ANXA8: variants seen among roughly 807,000 people sequenced by gnomAD.
ANXA8 encodes the protein annexin A8.
Under a neutral mutation model 26.8 loss-of-function variants are expected in ANXA8, and 9 were observed. That is an observed-to-expected ratio of 0.34 (90% CI 0.20 to 0.59). The LOEUF (loss-of-function observed/expected upper bound fraction) is 0.59. Ranked by LOEUF, ANXA8 falls within the 20% of genes least tolerant of loss-of-function variation. ANXA8 has a pLI of 0.84. For missense variants in ANXA8, 83 were observed against 238.5 expected (o/e 0.35, Z 4.29); for synonymous variants, 39 against 94.8 (o/e 0.41, Z 3.42).
At chr10:47,607,896 TGA>T in the ANXA8 span, among the ~76,000 whole-genome samples, 2 of 103,212 alleles carry the variant, frequency 1.9e-5, no homozygotes, top group Non-Finnish European at 3.7e-5. Context: ...GCAATAGCTA[TGA>T]GAGACAATTT....
the ANXA8 span, among the ~76,000 whole-genome samples, chr10:47,962,634 A>ACT: frequency 5.3e-5 from 8 of 150,126 alleles, no homozygotes; most frequent in African/African-American, 1.7e-4. Flanking sequence ...ACACACACAC[A>ACT]CTCTCACACA....
the ANXA8 span, among the ~76,000 whole-genome samples, chr10:47,658,332 G>T: frequency 2.4e-4 from 37 of 151,122 alleles, no homozygotes; most frequent in Non-Finnish European, 5.0e-4. Flanking sequence ...GTTGCAGTGA[G>T]CCAAGATCGC....
chr10:47,933,046 TGG>T, the ANXA8 span, among the ~76,000 whole-genome samples: 8 of 51,772 alleles, frequency 1.5e-4, 2 homozygotes, highest in East Asian at 2.6e-3. Flanking sequence ...TGTGGCTGGC[TGG>T]GGTGTGGACT....
At chr10:47,503,101 T>C in the ANXA8 span, 2 of 1,611,426 alleles carry the variant, frequency 1.2e-6, no homozygotes, top group South Asian at 1.1e-5. Flanking sequence ...GGATGGCCAC[T>C]TTCCTGGGAC....
chr10:47,735,062 C>T, the ANXA8 span, among the ~76,000 whole-genome samples: 1 of 149,706 alleles, frequency 6.7e-6, no homozygotes, highest in Non-Finnish European at 1.5e-5. Flanking sequence ...AAACGTTTTC[C>T]TTTAAACAAA....
chr10:47,560,575 T>C, the ANXA8 span, among the ~76,000 whole-genome samples: 2 of 151,840 alleles, frequency 1.3e-5, no homozygotes, highest in Non-Finnish European at 1.5e-5. Flanking sequence ...CAGTTGAGAT[T>C]TGCCTGTTTG....
At chr10:47,557,685 T>C in the ANXA8 span, among the ~76,000 whole-genome samples, 1 of 151,722 alleles carries the variant, frequency 6.6e-6, no homozygotes, top group Non-Finnish European at 1.5e-5. Context: ...ATCAGATTTC[T>C]GATGAATAAA....
the ANXA8 span, among the ~76,000 whole-genome samples, chr10:47,677,284 A>T: frequency 5.9e-5 from 9 of 152,216 alleles, no homozygotes; most frequent in South Asian, 1.9e-3. Context: ...ATGCATATGT[A>T]ATCTCTAGAA....
At chr10:47,921,719 G>A in the ANXA8 span, among the ~76,000 whole-genome samples, 1 of 151,324 alleles carries the variant, frequency 6.6e-6, no homozygotes, top group East Asian at 2.0e-4. Flanking sequence ...AGACGAAAGT[G>A]CTGAGCACAG....
At chr10:47,490,277 C>T in the ANXA8 span, 1 of 157,882 alleles carries the variant, frequency 6.3e-6, no homozygotes, top group Non-Finnish European at 1.4e-5. Flanking sequence ...GGTTCTTATT[C>T]TAACTCTACC....
chr10:47,474,908 G>C, intron 7 of ANXA8, 37 bp downstream of exon 7: 1 of 1,533,238 alleles, frequency 6.5e-7, no homozygotes, highest in Non-Finnish European at 8.8e-7. Flanking sequence ...CAGATGGCAG[G>C]GGGTGGGGCC....
chr10:47,541,161 A>G, the ANXA8 span, among the ~76,000 whole-genome samples: 1 of 109,072 alleles, frequency 9.2e-6, no homozygotes, highest in Admixed American at 1.2e-4. Context: ...ACTCGTCCCT[A>G]GAACAGAACA....
the ANXA8 span, among the ~76,000 whole-genome samples, chr10:47,572,983 T>C: frequency 1.3e-5 from 2 of 149,308 alleles, no homozygotes; most frequent in Non-Finnish European, 1.5e-5. Context: ...CCTTCTCCAA[T>C]TGGAATTGTT....
the ANXA8 span, among the ~76,000 whole-genome samples, chr10:47,548,890 A>G: frequency 6.6e-6 from 1 of 152,226 alleles, no homozygotes; most frequent in African/African-American, 2.4e-5. Flanking sequence ...ATACCTACTC[A>G]CCTCAAGGGT....
the ANXA8 span, chr10:47,549,233 A>G: frequency 3.8e-6 from 5 of 1,328,702 alleles, no homozygotes; most frequent in Non-Finnish European, 5.3e-6. Flanking sequence ...TCTTCCCTTC[A>G]TCACGGGGTA....
chr10:47,691,133 A>T, the ANXA8 span: 1 of 1,608,708 alleles, frequency 6.2e-7, no homozygotes. Flanking sequence ...AGTTACAGTA[A>T]GTGATCAATC....
At chr10:47,943,601 C>T in the ANXA8 span, among the ~76,000 whole-genome samples, 2 of 151,084 alleles carry the variant, frequency 1.3e-5, no homozygotes, top group African/African-American at 4.9e-5. Context: ...GTCACTGAGG[C>T]CTGCAGCACA....
chr10:47,637,359 T>G, the ANXA8 span, among the ~76,000 whole-genome samples: 1 of 149,414 alleles, frequency 6.7e-6, no homozygotes, highest in South Asian at 2.1e-4. Context: ...AAGAATCTCA[T>G]GAGGAGCAGC....
the ANXA8 span, among the ~76,000 whole-genome samples, chr10:47,733,235 CTTTCTTTCTTTCTTTCTTTCTT>C: frequency 6.6e-4 from 31 of 47,100 alleles, 2 homozygotes; most frequent in Non-Finnish European, 8.9e-4. Context: ...TTCTTTCTCT[CTTTCTTTCTTTCTTTCTTTCTT>C]TCTTTCTTTC....
Sources: gnomAD v4.1 joint callset for allele counts (sites outside exome capture counted in the v4.1 genomes callset) on GRCh38, gnomAD v4.1.1 for gene constraint, MANE v1.5 for transcripts, NCBI Gene and HGNC (gene_info 2026-07-23, HGNC 2026-07-21) for gene names.